The following MARK1 variants were observed in gnomAD, a reference collection of about 807,000 sequenced individuals.
The protein encoded by MARK1 is serine/threonine-protein kinase MARK1.
A neutral mutation model predicts 96.3 loss-of-function variants in MARK1; 40 were observed. The observed-to-expected ratio is 0.42, with a 90% CI of 0.32 to 0.54. The LOEUF is 0.54. Among genes scored for constraint, MARK1 ranks in the 20% least tolerant of loss-of-function variants. The pLI, the probability that MARK1 is intolerant of heterozygous loss-of-function variation, is 0.16. For synonymous variants in MARK1, 317 were observed against 341.2 expected (o/e 0.93, Z 0.78); for missense variants, 719 against 984.6 (o/e 0.73, Z 3.61).
intron 3 of MARK1, among the ~76,000 whole-genome samples, chr1:220,586,626 T>C (rs2102863761): frequency 6.6e-6 from 1 of 152,312 alleles, no homozygotes; most frequent in East Asian, 1.9e-4. Flanking sequence ...CTGTCCTAAT[T>C]GCTTGGTTTT....
intron 13 of MARK1, among the ~76,000 whole-genome samples, chr1:220,636,533 A>G (rs1355322866): frequency 6.6e-6 from 1 of 152,156 alleles, no homozygotes; most frequent in Non-Finnish European, 1.5e-5. Context: ...ACTTGGTAAC[A>G]TTCAGATAAT....
At chr1:220,594,474 A>G (rs921394824) in intron 3 of MARK1, among the ~76,000 whole-genome samples, 2 of 152,210 alleles carry the variant, frequency 1.3e-5, no homozygotes, top group African/African-American at 4.8e-5. Context: ...GTTTCTTACA[A>G]AACTACACAT....
intron 1 of MARK1, among the ~76,000 whole-genome samples, chr1:220,533,245 A>G (rs1660450619): frequency 6.6e-6 from 1 of 152,170 alleles, no homozygotes. Context: ...TTGTAGCTGA[A>G]CAGTGGTGGA....
chr1:220,530,221 G>A (rs895920964), intron 1 of MARK1, among the ~76,000 whole-genome samples: 6 of 16,996 alleles, frequency 3.5e-4, no homozygotes, highest in Non-Finnish European at 7.6e-4. Context: ...CCCTAGCGCC[G>A]TGCATTTAAA....
In MARK1 at chr1:220,662,196, A is replaced by T; in HGVS notation, c.*30A>T. On this transcript the variant is annotated 3_prime_UTR_variant, in exon 18 of 18. Coordinates refer to ENST00000366917, the MANE Select transcript of MARK1 (RefSeq NM_018650.5). ...GTCCAAATTTACAGGTTCAGGGAAG[A>T]TACATACATATATGAGGTACAGTTT... 1 of 1,510,288 alleles carries T rather than the reference A, an allele frequency of 6.6e-7. No homozygotes were observed. Among genetic ancestry groups the T allele is most frequent in the East Asian group, 2.3e-5 (1 of 44,056 alleles). 93.6% of individuals were successfully genotyped at this position (1,510,288 alleles called of 1,614,324 possible).
At chr1:220,623,289 A>G (rs1484075798) in intron 9 of MARK1, among the ~76,000 whole-genome samples, 1 of 152,212 alleles carries the variant, frequency 6.6e-6, no homozygotes, top group Non-Finnish European at 1.5e-5. Context: ...TTACCATGAA[A>G]GAATTTTACA....
At chr1:220,651,652 G>A (rs773629871) in intron 14 of MARK1, among the ~76,000 whole-genome samples, 37 of 151,986 alleles carry the variant, frequency 2.4e-4, no homozygotes, top group Non-Finnish European at 4.0e-4. Flanking sequence ...TGTGACTTTG[G>A]GGAAGTAAAA....
rs553729726 is a variant in MARK1, at chr1:220,646,332, C to T, written c.1471-4288C>T. 4.3e-4 allele frequency among the ~76,000 whole-genome samples: 66 copies of T among 152,124 alleles called. 1 individual carries two copies. The highest frequency in any genetic ancestry group is 1.5e-3 in the African/African-American group (62 of 41,518). ...CAATTGCCACAAAGAAAATAAAATA[C>T]CTAGGAATACAGCTAGCAACGGAAG... On this transcript the variant is annotated intron_variant, in intron 13 of 17. Transcript: ENST00000366917.
intron 13 of MARK1, among the ~76,000 whole-genome samples, chr1:220,637,691 A>G (rs755066695): frequency 3.2e-4 from 48 of 152,244 alleles, no homozygotes; most frequent in South Asian, 6.2e-4. Context: ...AAAACCAAAA[A>G]AAAGAAAGAA....
intron 1 of MARK1, among the ~76,000 whole-genome samples, chr1:220,560,071 G>C (rs1662558876): frequency 6.6e-6 from 1 of 152,166 alleles, no homozygotes; most frequent in East Asian, 1.9e-4. Context: ...CTTACATGGC[G>C]GCAGGCAATA....
intron 1 of MARK1, among the ~76,000 whole-genome samples, chr1:220,550,566 T>C (rs911584548): frequency 1.3e-5 from 2 of 152,212 alleles, no homozygotes; most frequent in African/African-American, 2.4e-5. Flanking sequence ...TTCCCCAGGC[T>C]GGTATCAAAC....
chr1:220,578,463 G>GGATA (rs1398122163), intron 1 of MARK1, among the ~76,000 whole-genome samples: 1 of 152,152 alleles, frequency 6.6e-6, no homozygotes, highest in Admixed American at 6.5e-5. Context: ...CTGATGCAAT[G>GGATA]GATAGATTAT....
At position 220,654,919 on chromosome 1, in the gene MARK1, G is replaced by T. The variant is rs1218526036; in HGVS notation, c.1988+1567G>T. ...AAAGCAAGAAAGTGCCTTAGAGCTG[G>T]TCTGTTGGGAGGTTCTGATAAAGAT... On this transcript the variant is annotated intron_variant, in intron 16 of 17. Transcript: ENST00000366917. This position sits in a 1 kb window ranked among gnomAD's most constrained non-coding sequence, Gnocchi z 4.0. Among the ~76,000 whole-genome samples the T allele has an allele frequency of 6.6e-6, 1 of 152,208 alleles. No individual in the cohort carries two copies. Among genetic ancestry groups the T allele is most frequent in the East Asian group, 1.9e-4 (1 of 5,204 alleles).
rs527805245 is a variant in MARK1 at position 220,554,146 on chromosome 1, G to A, written c.52-25208G>A. Among the ~76,000 whole-genome samples, 6 of 152,278 alleles carry A rather than the reference G, an allele frequency of 3.9e-5. No individual in the cohort carries two copies. In the South Asian group the frequency reaches 1.2e-3, roughly 32 times the overall value. On this transcript the variant is annotated intron_variant, in intron 1 of 17. Transcript: ENST00000366917. ...CCTGGGAATTTCACTGAGGAGGCAG[G>A]TCCCTGAATTTATGTGGGATGTATA...
At chr1:220,562,729 A>G (rs999234099) in intron 1 of MARK1, among the ~76,000 whole-genome samples, 2 of 152,198 alleles carry the variant, frequency 1.3e-5, no homozygotes, top group East Asian at 1.9e-4. Context: ...ATGGCATAGT[A>G]TAATATTTGC....
At chr1:220,608,565 G>T (rs1639025202) in intron 6 of MARK1, among the ~76,000 whole-genome samples, 2 of 152,002 alleles carry the variant, frequency 1.3e-5, no homozygotes, top group Non-Finnish European at 2.9e-5. Context: ...CTTCAATCCT[G>T]CTCTGATCTT....
intron 4 of MARK1, among the ~76,000 whole-genome samples, chr1:220,598,693 T>TA (rs1038058298): frequency 1.7e-4 from 26 of 150,950 alleles, no homozygotes; most frequent in East Asian, 1.6e-3. Flanking sequence ...TTTCTAAATT[T>TA]AAAAAAAAAT....
At chr1:220,557,002 G>T (rs1476573991) in intron 1 of MARK1, among the ~76,000 whole-genome samples, 8 of 152,116 alleles carry the variant, frequency 5.3e-5, no homozygotes, top group Non-Finnish European at 1.0e-4. Context: ...AAAGATTGTG[G>T]CTAGGGGTTA....
At chr1:220,570,391 C>A (rs1663358342) in intron 1 of MARK1, among the ~76,000 whole-genome samples, 1 of 152,070 alleles carries the variant, frequency 6.6e-6, no homozygotes, top group Non-Finnish European at 1.5e-5. Context: ...TATATTTATA[C>A]CAGCTGCAGA....
Sources: gnomAD v4.1 joint callset for allele counts (sites outside exome capture counted in the v4.1 genomes callset) on GRCh38, gnomAD v4.1.1 for gene constraint, Gnocchi (gnomAD v3.1) non-coding constraint, MANE v1.5 for transcripts, NCBI Gene and HGNC (gene_info 2026-07-23, HGNC 2026-07-21) for gene names.